The following SCAPER variants were observed in gnomAD, a reference collection of about 807,000 sequenced individuals.
The protein encoded by SCAPER is S-phase cyclin A associated protein in the ER.
Under a neutral mutation model 182.2 loss-of-function variants are expected in SCAPER, and 98 were observed. That is an observed-to-expected ratio of 0.54 (90% CI 0.46 to 0.64). The LOEUF (loss-of-function observed/expected upper bound fraction) is 0.64, where lower values mean the gene tolerates loss of function less well. Among genes scored for constraint, SCAPER ranks in the 30% least tolerant of loss-of-function variants. SCAPER has a pLI of 0.00. For synonymous variants in SCAPER, 605 were observed against 564.6 expected (o/e 1.07, Z -1.01); for missense variants, 1,432 against 1,690.0 (o/e 0.85, Z 2.68).
intron 27 of SCAPER, among the ~76,000 whole-genome samples, chr15:76,394,342 C>T (rs2043908422): frequency 6.6e-6 from 1 of 152,172 alleles, no homozygotes; most frequent in Non-Finnish European, 1.5e-5. Context: ...GAGAGGCTTA[C>T]TGAAAAGATT....
At position 76,866,318 on chromosome 15, in the gene SCAPER, CAA is replaced by C. The variant is rs149199599; in HGVS notation, c.7-3787_7-3786del. Among the ~76,000 whole-genome samples the C allele has an allele frequency of 2.0e-5, 3 of 152,110 alleles. No homozygotes were observed. The East Asian group carries it at 5.8e-4, about 29-fold the overall frequency. ...CTATGCCATACATTACATTCTAAGT[CAA>C]GAGTCTTCACAAAATAATGAGTTTC... On this transcript the variant is annotated intron_variant, in intron 2 of 31. Transcript: ENST00000563290.
intron 22 of SCAPER, among the ~76,000 whole-genome samples, chr15:76,582,777 G>C (rs2048356565): frequency 6.6e-6 from 1 of 152,076 alleles, no homozygotes; most frequent in South Asian, 2.1e-4. Context: ...ATACAATAGA[G>C]AATCTAGAAA....
chr15:76,585,672 A>G (rs1381016231), intron 22 of SCAPER, among the ~76,000 whole-genome samples: 1 of 152,174 alleles, frequency 6.6e-6, no homozygotes, highest in East Asian at 1.9e-4. Flanking sequence ...ATCAATTCTG[A>G]ACCTATCCTT....
intron 4 of SCAPER, among the ~76,000 whole-genome samples, chr15:76,842,718 C>T (rs2069600728): frequency 6.6e-6 from 1 of 152,164 alleles, no homozygotes; most frequent in Non-Finnish European, 1.5e-5. Flanking sequence ...CCTCTTCATA[C>T]ACTTCTTAGA....
chr15:76,573,397 C>T (rs1453926091), intron 23 of SCAPER, among the ~76,000 whole-genome samples: 1 of 151,102 alleles, frequency 6.6e-6, no homozygotes, highest in Non-Finnish European at 1.5e-5. Context: ...ACCTTTAAAC[C>T]CAGAAAACAA....
At chr15:76,504,307 C>T (rs2041396795) in intron 24 of SCAPER, among the ~76,000 whole-genome samples, 2 of 152,114 alleles carry the variant, frequency 1.3e-5, no homozygotes, top group South Asian at 4.1e-4. Flanking sequence ...AACATTGCTG[C>T]TATACCCCAG....
At chr15:76,353,382 GCTGA>G (rs1205553387) in intron 30 of SCAPER, among the ~76,000 whole-genome samples, 12 of 152,254 alleles carry the variant, frequency 7.9e-5, no homozygotes, top group Admixed American at 2.6e-4. Flanking sequence ...TGGTTTTTCA[GCTGA>G]CTAAGTTAAT....
intron 14 of SCAPER, among the ~76,000 whole-genome samples, chr15:76,755,439 C>A (rs1302168215): frequency 6.6e-6 from 1 of 152,192 alleles, no homozygotes; most frequent in East Asian, 1.9e-4. Flanking sequence ...TTAAATCACA[C>A]ACTAAAAGTA....
chr15:76,682,272 C>G (rs185610142), intron 20 of SCAPER, among the ~76,000 whole-genome samples: 9 of 143,140 alleles, frequency 6.3e-5, no homozygotes, highest in Non-Finnish European at 1.4e-4. Flanking sequence ...CTTCCCCCCC[C>G]CACCCCACAG....
chr15:76,600,489 A>G (rs1464069052), intron 22 of SCAPER, among the ~76,000 whole-genome samples: 1 of 106,722 alleles, frequency 9.4e-6, no homozygotes, highest in African/African-American at 2.8e-5. Context: ...CGCTCTTGTC[A>G]CCCAGGCTGG....
At chr15:76,903,073 AAG>A (rs1555661674) in intron 1 of SCAPER, among the ~76,000 whole-genome samples, 3 of 150,704 alleles carry the variant, frequency 2.0e-5, no homozygotes, top group Non-Finnish European at 4.4e-5. Flanking sequence ...AAAAAAAAAA[AAG>A]AAAGTGAAAG....
intron 15 of SCAPER, among the ~76,000 whole-genome samples, chr15:76,735,643 A>G (rs2151074642): frequency 6.7e-6 from 1 of 149,152 alleles, no homozygotes; most frequent in South Asian, 2.1e-4. Context: ...TGGAGGTTGC[A>G]GTGAGCCAAG....
intron 22 of SCAPER, among the ~76,000 whole-genome samples, chr15:76,598,908 G>A (rs1372972201): frequency 8.6e-6 from 1 of 116,886 alleles, no homozygotes; most frequent in Non-Finnish European, 2.1e-5. Context: ...TGTATGTTCT[G>A]CACATTTATC....
rs371387573 is a variant in SCAPER, at chr15:76,381,433, A to G, written c.3650T>C (p.Ile1217Thr). 1.2e-6 allele frequency: 2 copies of G among 1,613,780 alleles called. No individual in the cohort carries two copies. Among genetic ancestry groups the G allele is most frequent in the Non-Finnish European group, 1.7e-6 (2 of 1,179,866 alleles). ...GCTGTTGAAGAAACGTAAACTCTGA[A>G]TGGCCACTTGGATGGTATTTTGAGT... ...NYTQNTIQVAIQSLRFFNSFA... is the reference protein window; with the variant it reads ...NYTQNTIQVATQSLRFFNSFA... Residue 1217 changes from isoleucine (I) to threonine (T), a missense_variant, in exon 28 of 32, where the codon ATT (isoleucine) becomes ACT (threonine). By Grantham distance (89) the Ile-to-Thr change is moderately conservative. This residue lies in a region of SCAPER where 718 missense variants were observed against 799.7 expected (regional missense o/e 0.90). Transcript: ENST00000563290.
intron 7 of SCAPER, chr15:76,797,214 A>G (rs2065393146): frequency 6.6e-6 from 1 of 152,240 alleles, no homozygotes; most frequent in Non-Finnish European, 1.5e-5. Context: ...CAAGCAAACT[A>G]CTTACCAACC....
At chr15:76,528,382 T>C (rs1393652922) in intron 23 of SCAPER, among the ~76,000 whole-genome samples, 5 of 152,218 alleles carry the variant, frequency 3.3e-5, no homozygotes, top group Non-Finnish European at 7.3e-5. Context: ...CTCATACTTT[T>C]ACAGATAACT....
chr15:76,365,910 C>T (rs925982153), intron 29 of SCAPER, among the ~76,000 whole-genome samples: 2 of 152,166 alleles, frequency 1.3e-5, no homozygotes, highest in Non-Finnish European at 2.9e-5. Context: ...GCTGCCCATA[C>T]CTGCATAGGT....
chr15:76,640,192 G>A (rs887641437), intron 21 of SCAPER, among the ~76,000 whole-genome samples: 4 of 152,150 alleles, frequency 2.6e-5, no homozygotes, highest in Admixed American at 1.3e-4. Flanking sequence ...AATTCTACTC[G>A]GATGTGGAAT....
At chr15:76,369,797 C>A (rs959723262) in intron 29 of SCAPER, among the ~76,000 whole-genome samples, 3 of 152,258 alleles carry the variant, frequency 2.0e-5, no homozygotes, top group Admixed American at 2.0e-4. Flanking sequence ...GTTATCACCT[C>A]AGCAAGCTGT....
Sources: gnomAD v4.1 joint callset for allele counts (sites outside exome capture counted in the v4.1 genomes callset) on GRCh38, gnomAD v4.1.1 for gene constraint, gnomAD v4.1.1 regional missense constraint, MANE v1.5 for transcripts, NCBI Gene and HGNC (gene_info 2026-07-23, HGNC 2026-07-21) for gene names.